Variants in ASL observed in about 807,000 individuals in gnomAD.
The protein encoded by ASL is argininosuccinase.
In ASL, 51 loss-of-function variants were observed where a neutral mutation model predicts 69.1. The observed-to-expected ratio is 0.74, with a 90% CI of 0.59 to 0.93. ASL has a LOEUF of 0.93. Ranked by LOEUF, ASL falls within the 40% of genes least tolerant of loss-of-function variation. The pLI, the probability that ASL is intolerant of heterozygous loss-of-function variation, is 0.00. For synonymous variants in ASL, 241 were observed against 247.6 expected (o/e 0.97, Z 0.25); for missense variants, 540 against 623.9 (o/e 0.87, Z 1.43).
intron 9 of ASL, 36 bp from the exon 10 acceptor site, chr7:66,087,693 C>A (rs767703228): frequency 6.2e-7 from 1 of 1,613,690 alleles, no homozygotes. Context: ...CACTCCCTGT[C>A]CTCCAGCTTA....
At chr7:66,082,752 G>C (rs1478294547) in intron 4 of ASL, 128 bp from the exon 5 acceptor site, 2 of 1,173,542 alleles carry the variant, frequency 1.7e-6, no homozygotes, top group Admixed American at 2.0e-5. Context: ...AATGGCGAGA[G>C]ATTTGGGGAG....
chr7:66,088,442 C>T (rs1326671117), intron 10 of ASL, among the ~76,000 whole-genome samples: 1 of 152,056 alleles, frequency 6.6e-6, no homozygotes, highest in Non-Finnish European at 1.5e-5. Context: ...GATTGTGCCA[C>T]TGTACTCCAG....
intron 15 of ASL, 78 bp from the exon 16 acceptor site, chr7:66,092,479 G>T: frequency 1.6e-6 from 2 of 1,270,416 alleles, no homozygotes; most frequent in Non-Finnish European, 2.2e-6. Flanking sequence ...AAAAAAAAAG[G>T]AAGGGGGTGC....
chr7:66,089,799 TG>T, intron 14 of ASL, 104 bp downstream of exon 14: 1 of 1,273,430 alleles, frequency 7.9e-7, no homozygotes. Context: ...CTGGAGGACC[TG>T]GGGCAGGGAA....
rs542276512 is a variant in ASL, at chr7:66,083,257, G to C, written c.446+83G>C. The C allele has an allele frequency of 1.3e-3, 1,868 of 1,460,326 alleles. 31 individuals carry two copies. The South Asian group carries it at 0.014, about 11-fold the overall frequency. 90.5% of individuals were successfully genotyped at this position (1,460,326 alleles called of 1,614,324 possible). On this transcript the variant is annotated intron_variant, in intron 6 of 16. Transcript: ENST00000304874. ...GAGACCTAGGGGGCAGGGGTGAACA[G>C]CGTGGGGGTGCCAGGCCCTGGGGGA...
At chr7:66,083,422 C>T (rs752641191) in intron 6 of ASL, 37 of 417,018 alleles carry the variant, frequency 8.9e-5, no homozygotes, top group Admixed American at 2.1e-4. Flanking sequence ...CGGTGGCTCA[C>T]GCCTGTAATC....
chr7:66,081,844 C>T lies in ASL; in HGVS notation c.54C>T (p.Asp18=), dbSNP rs1309121791. The change falls in exon 3 of 17, where the codon GAC becomes GAT. Residue 18 remains aspartate (D), a synonymous_variant. Coordinates refer to ENST00000304874, the MANE Select transcript of ASL (RefSeq NM_000048.4). The stretch of plus-strand genomic sequence containing the variant: ...GTGGCCGGTTTGTGGGTGCAGTGGA[C>T]CCCATCATGGAGAAGTTCAACGCGT... ...LWGGRFVGAV[D]PIMEKFNASI... is the part of the protein sequence containing the mutation. 1.9e-6 allele frequency: 3 copies of T among 1,613,974 alleles called. No homozygotes were observed.
chr7:66,093,343 A>C lies in ASL; in HGVS notation c.*431A>C. On this transcript the variant is annotated 3_prime_UTR_variant, in exon 17 of 17. Coordinates refer to ENST00000304874, the MANE Select transcript of ASL (RefSeq NM_000048.4). ...AAATAAATAAATAAACGAAAAATAAATGGAAGCGGAGAAAACTGGGCAAGG... is the reference window on the plus strand; with the variant it reads ...AAATAAATAAATAAACGAAAAATAACTGGAAGCGGAGAAAACTGGGCAAGG... 1 of 288,944 alleles carries C rather than the reference A, an allele frequency of 3.5e-6. No homozygotes were observed. The highest frequency in any genetic ancestry group is 6.8e-6 in the Non-Finnish European group (1 of 146,312). 17.9% of individuals were successfully genotyped at this position (288,944 alleles called of 1,614,324 possible). A position where few individuals can be genotyped will look rare whatever the true frequency, so the allele number is the denominator to read the frequency against.
intron 4 of ASL, 35 bp from the exon 5 acceptor site, chr7:66,082,843 GTA>G: frequency 6.2e-7 from 1 of 1,612,538 alleles, no homozygotes; most frequent in Non-Finnish European, 8.5e-7. Flanking sequence ...TCCTCTGGGG[GTA>G]TAGACCGTGA....
At position 66,082,341 on chromosome 7, in the gene ASL, C is replaced by G. The variant is rs757507610; in HGVS notation, c.208-27C>G. Reference sequence around the variant, plus strand: ...TGGCTGCTGATGCCTGCTCACCTGACCCCGGCATTGCTGCTACCCACTACA... The same window carrying G: ...TGGCTGCTGATGCCTGCTCACCTGAGCCCGGCATTGCTGCTACCCACTACA... On this transcript the variant is annotated intron_variant, in intron 3 of 16. Transcript: ENST00000304874. 1.1e-5 allele frequency: 17 copies of G among 1,597,264 alleles called. No homozygotes were observed. In the Admixed American group the frequency reaches 2.6e-4, roughly 25 times the overall value.
At chr7:66,083,825 T>G (rs1490139642) in intron 6 of ASL, among the ~76,000 whole-genome samples, 1 of 152,106 alleles carries the variant, frequency 6.6e-6, no homozygotes, top group African/African-American at 2.4e-5. Context: ...TCCCCCATCC[T>G]AAGCTTCGCC....
Position 66,081,955 on chromosome 7 carries a change from C to T in ASL, c.165C>T (p.Leu55=), listed in dbSNP as rs776039671. ...GGGGCCTGGAGAAGGCAGGGCTCCT[C>T]ACCAAGGCCGAGATGGACCAGATAC... ...YSRGLEKAGL[L]TKAEMDQILH... The change falls in exon 3 of 17, where the codon CTC becomes CTT. Residue 55 remains leucine, a synonymous_variant. Transcript: ENST00000304874. 1.4e-5 allele frequency: 23 copies of T among 1,613,190 alleles called. No homozygotes were observed. The African/African-American group carries it at 1.9e-4, about 13-fold the overall frequency.
chr7:66,087,413 G>T (rs892115459), intron 9 of ASL, 27 bp downstream of exon 9: 2 of 1,605,770 alleles, frequency 1.2e-6, no homozygotes, highest in Admixed American at 1.7e-5. Flanking sequence ...CTCCTCCCCA[G>T]GGAGAATCAC....
intron 6 of ASL, among the ~76,000 whole-genome samples, chr7:66,083,956 G>A (rs929588720): frequency 6.6e-6 from 1 of 152,100 alleles, no homozygotes; most frequent in African/African-American, 2.4e-5. Context: ...TGCAGACCTG[G>A]ACGAAGAGCT....
At chr7:66,083,788 C>A (rs576874105) in intron 6 of ASL, among the ~76,000 whole-genome samples, 256 of 152,256 alleles carry the variant, frequency 1.7e-3, no homozygotes, top group Non-Finnish European at 3.2e-3. Context: ...CAGCCAGAGT[C>A]ACTCCCCACA....
chr7:66,092,861 C>T lies in ASL; in HGVS notation c.1344C>T (p.Val448=), dbSNP rs144011206. 9.9e-6 allele frequency: 16 copies of T among 1,612,572 alleles called. No individual in the cohort carries two copies. The highest frequency in any genetic ancestry group is 6.7e-5 in the African/African-American group (5 of 74,936). The stretch of plus-strand genomic sequence containing the variant: ...TGGGCGGCACTGCGCGCTCCAGCGT[C>T]GACTGGCAGATCCGCCAGGTGCGGG... ...GALGGTARSS[V]DWQIRQVRAL... The change falls in exon 17 of 17, where the codon GTC becomes GTT. Residue 448 remains valine, a synonymous_variant. Transcript: ENST00000304874.
chr7:66,084,109 T>C (rs2115707561), intron 6 of ASL, among the ~76,000 whole-genome samples: 1 of 151,780 alleles, frequency 6.6e-6, no homozygotes, highest in East Asian at 1.9e-4. Flanking sequence ...GAACAGGGAG[T>C]GTCTGCTACT....
Position 66,089,119 on chromosome 7 carries a change from A to G in ASL, c.862A>G (p.Lys288Glu). 6.2e-7 allele frequency: 1 copy of G among 1,613,994 alleles called. No homozygotes were observed. The highest frequency in any genetic ancestry group is 8.5e-7 in the Non-Finnish European group (1 of 1,179,966). Residue 288 changes from lysine (K) to glutamate (E), a missense_variant, in exon 12 of 17, where the codon AAA becomes GAA. Coordinates refer to ENST00000304874, the MANE Select transcript of ASL (RefSeq NM_000048.4). ...GGGAAGCAGCCTGATGCCCCAGAAGAAAAACCCCGACAGTTTGGAGCTGAT... is the reference window on the plus strand; with the variant it reads ...GGGAAGCAGCCTGATGCCCCAGAAGGAAAACCCCGACAGTTTGGAGCTGAT... ...STGSSLMPQK[K>E]NPDSLELIRS...
chr7:66,086,953 A>G, intron 8 of ASL, 132 bp downstream of exon 8: 1 of 1,082,798 alleles, frequency 9.2e-7, no homozygotes, highest in South Asian at 1.5e-5. Flanking sequence ...CTCTGCATGG[A>G]GCCCCAGCTC....
Sources: allele counts gnomAD v4.1 joint callset (sites outside exome capture counted in the v4.1 genomes callset), GRCh38; gene constraint gnomAD v4.1.1; transcripts MANE v1.5; gene names NCBI Gene and HGNC (gene_info 2026-07-23, HGNC 2026-07-21).